The following CSNK1G3 variants were observed in gnomAD, a reference collection of about 807,000 sequenced individuals.
CSNK1G3 encodes the protein casein kinase I isoform gamma-3.
In CSNK1G3, 23 loss-of-function variants were observed where a neutral mutation model predicts 64.3. The observed-to-expected ratio is 0.36, with a 90% CI of 0.26 to 0.51. The LOEUF (loss-of-function observed/expected upper bound fraction) is 0.51. Ranked by LOEUF, CSNK1G3 falls within the 20% of genes least tolerant of loss-of-function variation. The pLI, the probability that CSNK1G3 is intolerant of heterozygous loss-of-function variation, is 0.96. For missense variants in CSNK1G3, 357 were observed against 510.5 expected, an observed-to-expected ratio of 0.70 and a Z score of 2.90; for synonymous variants, 158 against 162.2, an observed-to-expected ratio of 0.97 and a Z score of 0.20.
At chr5:123,580,632 C>T (rs1790065374) in intron 6 of CSNK1G3, among the ~76,000 whole-genome samples, 1 of 151,802 alleles carries the variant, frequency 6.6e-6, no homozygotes, top group South Asian at 2.1e-4. Flanking sequence ...ACTTTTGTGT[C>T]ACATCTGATC....
At chr5:123,566,672 G>T (rs1040199200) in intron 4 of CSNK1G3, among the ~76,000 whole-genome samples, 1 of 151,992 alleles carries the variant, frequency 6.6e-6, no homozygotes, top group Non-Finnish European at 1.5e-5. Context: ...AATTTAAGTT[G>T]TTTGCTCAGT....
chr5:123,549,102 T>C (rs1201194647), intron 2 of CSNK1G3, among the ~76,000 whole-genome samples: 1 of 152,210 alleles, frequency 6.6e-6, no homozygotes, highest in Admixed American at 6.5e-5. Flanking sequence ...AGTTGAAATA[T>C]CTCAAATTGA....
chr5:123,601,992 C>A (rs568226245), intron 10 of CSNK1G3, among the ~76,000 whole-genome samples: 9 of 151,258 alleles, frequency 6.0e-5, no homozygotes, highest in Admixed American at 5.9e-4. Flanking sequence ...GAATAAAGAA[C>A]AAAATTATGT....
At chr5:123,552,356 G>A (rs1446865034) in intron 2 of CSNK1G3, among the ~76,000 whole-genome samples, 2 of 152,078 alleles carry the variant, frequency 1.3e-5, no homozygotes, top group Non-Finnish European at 2.9e-5. Flanking sequence ...ATGCTGGTCA[G>A]TCTGGTCTTG....
chr5:123,606,024 TG>T (rs1200839738), intron 12 of CSNK1G3, among the ~76,000 whole-genome samples: 6 of 152,136 alleles, frequency 3.9e-5, no homozygotes, highest in Non-Finnish European at 8.8e-5. Context: ...TGAGTCAGAC[TG>T]GGAGTGAATA....
chr5:123,554,975 A>AAAC (rs1784365240), intron 3 of CSNK1G3, among the ~76,000 whole-genome samples: 1 of 152,216 alleles, frequency 6.6e-6, no homozygotes, highest in South Asian at 2.1e-4. Flanking sequence ...TGTTCATACC[A>AAAC]TTGATGCCTT....
At position 123,547,449 on chromosome 5, in the gene CSNK1G3, CTG is replaced by C. The variant is rs556414583; in HGVS notation, c.178+1624_178+1625del. Among the ~76,000 whole-genome samples, 27 of 150,252 alleles carry C rather than the reference CTG, an allele frequency of 1.8e-4. No homozygotes were observed. The East Asian group carries it at 1.9e-3, about 11-fold the overall frequency. Reference sequence around the variant, plus strand: ...ACGGCACATGTATATAGGTATGTGTCTGTGTGTGTGTGTGTGTATTCACACAA... The same window carrying C: ...ACGGCACATGTATATAGGTATGTGTCTGTGTGTGTGTGTGTATTCACACAA... On this transcript the variant is annotated intron_variant, in intron 2 of 12. Transcript: ENST00000345990.
Position 123,534,164 on chromosome 5 carries a change from C to T in CSNK1G3, c.-247-11253C>T, listed in dbSNP as rs571628167. Among the ~76,000 whole-genome samples, 158 of 152,078 alleles carry T rather than the reference C, an allele frequency of 1.0e-3. 1 individual carries two copies. The highest frequency in any genetic ancestry group is 3.3e-3 in the African/African-American group (135 of 41,508). On this transcript the variant is annotated intron_variant, in intron 1 of 12. Transcript: ENST00000345990. ...ATACTAGAGCCCTTGTCATCAAATA[C>T]GACAGGCAATTATAAAACTGCATAT...
chr5:123,588,184 T>A, intron 7 of CSNK1G3, 31 bp downstream of exon 7: 1 of 1,437,240 alleles, frequency 7.0e-7, no homozygotes, highest in Non-Finnish European at 9.8e-7. Flanking sequence ...TTATTGAATT[T>A]CATAAAATAT....
At chr5:123,587,121 A>C (rs1299526112) in intron 6 of CSNK1G3, among the ~76,000 whole-genome samples, 1 of 152,232 alleles carries the variant, frequency 6.6e-6, no homozygotes, top group African/African-American at 2.4e-5. Flanking sequence ...AAACCATATC[A>C]ACAAGTATAG....
intron 1 of CSNK1G3, among the ~76,000 whole-genome samples, chr5:123,522,627 A>G (rs911621365): frequency 6.6e-6 from 1 of 152,148 alleles, no homozygotes; most frequent in Non-Finnish European, 1.5e-5. Context: ...ATTACTTGTA[A>G]TACCTAATAC....
At chr5:123,514,630 T>G (rs151319618) in intron 1 of CSNK1G3, among the ~76,000 whole-genome samples, 1 of 151,990 alleles carries the variant, frequency 6.6e-6, no homozygotes, top group East Asian at 1.9e-4. Flanking sequence ...AATTTTTGAC[T>G]GGGAAATTTT....
intron 1 of CSNK1G3, among the ~76,000 whole-genome samples, chr5:123,518,208 A>G (rs1159574551): frequency 6.6e-6 from 1 of 152,226 alleles, no homozygotes; most frequent in Non-Finnish European, 1.5e-5. Context: ...ATATACCAGG[A>G]GCACTTGAGC....
chr5:123,520,701 A>G (rs1777950875), intron 1 of CSNK1G3, among the ~76,000 whole-genome samples: 1 of 152,082 alleles, frequency 6.6e-6, no homozygotes, highest in Non-Finnish European at 1.5e-5. Flanking sequence ...TTTGGTACAA[A>G]TATACATTAT....
rs563880439 is a variant in CSNK1G3 at position 123,544,395 on chromosome 5, G to A, written c.-247-1022G>A. Reference sequence around the variant, plus strand: ...TTGTAACAGTAATTGTATATTTGGGGGTTGCTGAAAATTAATCAGAAAATA... The same window carrying A: ...TTGTAACAGTAATTGTATATTTGGGAGTTGCTGAAAATTAATCAGAAAATA... On this transcript the variant is annotated intron_variant, in intron 1 of 12. Coordinates refer to ENST00000345990, the Ensembl canonical transcript of CSNK1G3. Among the ~76,000 whole-genome samples the A allele has an allele frequency of 1.5e-4, 23 of 152,214 alleles. No individual in the cohort carries two copies. In the East Asian group the frequency reaches 4.2e-3, roughly 28 times the overall value.
At chr5:123,572,318 T>C (rs537568393) in intron 4 of CSNK1G3, among the ~76,000 whole-genome samples, 5 of 152,312 alleles carry the variant, frequency 3.3e-5, no homozygotes, top group South Asian at 2.1e-4. Flanking sequence ...TTTCAGTTTA[T>C]TGGGAGTCTG....
At position 123,568,188 on chromosome 5, in the gene CSNK1G3, C is replaced by T. The variant is rs183212594; in HGVS notation, c.290-5205C>T. Among the ~76,000 whole-genome samples, 312 of 152,240 alleles carry T rather than the reference C, an allele frequency of 2.0e-3. 1 individual carries two copies. The highest frequency in any genetic ancestry group is 3.4e-3 in the Middle Eastern group (1 of 294). On this transcript the variant is annotated intron_variant, in intron 4 of 12. Coordinates refer to ENST00000345990, the Ensembl canonical transcript of CSNK1G3. Reference sequence around the variant, plus strand: ...TGCCAGCTGCAGGCATTGCAGTTTTCGGTGCATCTCATTGATTTGCTGAGG... The same window carrying T: ...TGCCAGCTGCAGGCATTGCAGTTTTTGGTGCATCTCATTGATTTGCTGAGG...
intron 6 of CSNK1G3, among the ~76,000 whole-genome samples, chr5:123,580,642 C>T (rs1790066984): frequency 6.6e-6 from 1 of 151,848 alleles, no homozygotes; most frequent in South Asian, 2.1e-4. Flanking sequence ...CACATCTGAT[C>T]AAGTGTCTGC....
intron 4 of CSNK1G3, among the ~76,000 whole-genome samples, chr5:123,566,909 A>G (rs11241702): frequency 0.6 from 91,363 of 151,840 alleles, 28,636 homozygotes; most frequent in African/African-American, 0.78. Context: ...CTTTTTTCTT[A>G]TGTTATCTTT....
Sources: gnomAD v4.1 joint callset for allele counts (sites outside exome capture counted in the v4.1 genomes callset) on GRCh38, gnomAD v4.1.1 for gene constraint, MANE v1.5 for transcripts, NCBI Gene and HGNC (gene_info 2026-07-23, HGNC 2026-07-21) for gene names.